The following TENM3 variants were observed in gnomAD, a reference collection of about 807,000 sequenced individuals.
TENM3 encodes teneurin transmembrane protein 3, also known as teneurin-3.
TENM3 carries 63 observed loss-of-function variants against 255.1 expected under a neutral mutation model. That is an observed-to-expected ratio of 0.25 (90% CI 0.20 to 0.30). The LOEUF is 0.30. Ranked by LOEUF, TENM3 falls within the 10% of genes least tolerant of loss-of-function variation. TENM3 has a pLI of 1.00. For missense variants in TENM3, 2,929 were observed against 3,461.1 expected (o/e 0.85, Z 3.86); for synonymous variants, 1,306 against 1,322.3 (o/e 0.99, Z 0.27).
chr4:182,075,420 G>C, the TENM3 span, among the ~76,000 whole-genome samples: 10 of 152,004 alleles, frequency 6.6e-5, no homozygotes, highest in South Asian at 2.1e-4. Context: ...GGATGGTCTC[G>C]ATCTCCTGAC....
At chr4:182,032,455 T>C in the TENM3 span, among the ~76,000 whole-genome samples, 1 of 152,236 alleles carries the variant, frequency 6.6e-6, no homozygotes, top group Admixed American at 6.5e-5. Flanking sequence ...GGTTTGCCAG[T>C]ATTTTATGGA....
chr4:181,912,306 C>A, the TENM3 span, among the ~76,000 whole-genome samples: 1 of 152,186 alleles, frequency 6.6e-6, no homozygotes, highest in Admixed American at 6.5e-5. Context: ...ATACATGCTG[C>A]CCTCATGATG....
chr4:181,570,109 A>G, the TENM3 span, among the ~76,000 whole-genome samples: 4,008 of 147,536 alleles, frequency 0.027, 51 homozygotes, highest in Non-Finnish European at 0.041. Flanking sequence ...GCAGTGGCAC[A>G]ATCTCGGCTC....
the TENM3 span, among the ~76,000 whole-genome samples, chr4:181,456,728 A>G: frequency 2.6e-5 from 4 of 152,066 alleles, no homozygotes; most frequent in East Asian, 1.9e-4. Flanking sequence ...TGTGTAAAAC[A>G]GATTATTAAA....
chr4:182,547,588 A>C (rs1741570823), intron 3 of TENM3, among the ~76,000 whole-genome samples: 1 of 152,118 alleles, frequency 6.6e-6, no homozygotes, highest in Admixed American at 6.5e-5. Flanking sequence ...GAGGTTGCTA[A>C]GTGCTAGTTT....
intron 12 of TENM3, among the ~76,000 whole-genome samples, chr4:182,696,570 C>T (rs1356617805): frequency 1.3e-5 from 2 of 151,956 alleles, no homozygotes; most frequent in Admixed American, 1.3e-4. Context: ...ACTAAAAATA[C>T]AAAAATTAGC....
intron 1 of TENM3, among the ~76,000 whole-genome samples, chr4:182,275,309 A>G (rs896003433): frequency 1.3e-5 from 2 of 152,192 alleles, no homozygotes; most frequent in Admixed American, 1.3e-4. Context: ...CTGGGCACGT[A>G]TGAGACATCA....
intron 3 of TENM3, among the ~76,000 whole-genome samples, chr4:182,574,676 C>T (rs6552574): frequency 0.99 from 150,779 of 152,240 alleles, 74,686 homozygotes; most frequent in Middle Eastern, 1. Context: ...ACACCTAAAA[C>T]TGGTTATATT....
chr4:181,874,453 T>G, the TENM3 span: 1 of 152,278 alleles, frequency 6.6e-6, no homozygotes. Flanking sequence ...GGAGCTGTTC[T>G]AAGTTCCTAA....
At chr4:181,620,562 ACT>A in the TENM3 span, among the ~76,000 whole-genome samples, 118 of 152,032 alleles carry the variant, frequency 7.8e-4, no homozygotes, top group African/African-American at 2.7e-3. Flanking sequence ...TTGGAAATGA[ACT>A]CTCAATGTTT....
chr4:182,123,211 C>A, the TENM3 span, among the ~76,000 whole-genome samples: 1 of 152,164 alleles, frequency 6.6e-6, no homozygotes, highest in African/African-American at 2.4e-5. Flanking sequence ...ACCACTACAA[C>A]ATTCTCTGTA....
At chr4:181,797,856 C>T in the TENM3 span, among the ~76,000 whole-genome samples, 4 of 152,134 alleles carry the variant, frequency 2.6e-5, no homozygotes, top group Non-Finnish European at 5.9e-5. Flanking sequence ...AGGAAGGAAC[C>T]TATGAGGCGA....
At chr4:182,196,199 C>G (rs1190843180) in intron 1 of TENM3, among the ~76,000 whole-genome samples, 1 of 152,120 alleles carries the variant, frequency 6.6e-6, no homozygotes, top group East Asian at 1.9e-4. Flanking sequence ...TGGTAGACAG[C>G]ACACCTGCCT....
the TENM3 span, among the ~76,000 whole-genome samples, chr4:182,042,922 T>C: frequency 2.6e-5 from 4 of 151,806 alleles, no homozygotes; most frequent in Non-Finnish European, 5.9e-5. Flanking sequence ...AAGCTGACAC[T>C]AATTCAGTAT....
chr4:181,619,973 A>G, the TENM3 span, among the ~76,000 whole-genome samples: 2 of 152,200 alleles, frequency 1.3e-5, no homozygotes, highest in African/African-American at 4.8e-5. Flanking sequence ...GATGTGTAAC[A>G]AACTATATTT....
At chr4:182,174,088 G>T (rs571032766) in intron 1 of TENM3, among the ~76,000 whole-genome samples, 1 of 152,032 alleles carries the variant, frequency 6.6e-6, no homozygotes, top group Non-Finnish European at 1.5e-5. Flanking sequence ...CAGAAATTAA[G>T]ATTAATTTAC....
At chr4:182,433,885 G>A (rs1245748419) in intron 3 of TENM3, among the ~76,000 whole-genome samples, 1 of 152,148 alleles carries the variant, frequency 6.6e-6, no homozygotes, top group African/African-American at 2.4e-5. Context: ...GGAGACCAAA[G>A]TGGAGGATGA....
At chr4:182,191,213 A>T (rs1753495725) in intron 1 of TENM3, among the ~76,000 whole-genome samples, 1 of 152,202 alleles carries the variant, frequency 6.6e-6, no homozygotes, top group African/African-American at 2.4e-5. Context: ...TTACGTAAAG[A>T]TTGAGTCCAA....
the TENM3 span, among the ~76,000 whole-genome samples, chr4:181,759,446 G>T: frequency 6.6e-6 from 1 of 152,004 alleles, no homozygotes; most frequent in Non-Finnish European, 1.5e-5. Flanking sequence ...CAAAAAAAAA[G>T]TTGGAGTTAC....
Sources: gnomAD v4.1 joint callset for allele counts (sites outside exome capture counted in the v4.1 genomes callset) on GRCh38, gnomAD v4.1.1 for gene constraint, MANE v1.5 for transcripts, NCBI Gene and HGNC (gene_info 2026-07-23, HGNC 2026-07-21) for gene names.